The following AGBL1 variants were observed in gnomAD, a reference collection of about 807,000 sequenced individuals.
The protein encoded by AGBL1 is AGBL carboxypeptidase 1, also known as cytosolic carboxypeptidase 4.
AGBL1 carries 130 observed loss-of-function variants against 118.9 expected under a neutral mutation model. The ratio of observed to expected loss-of-function variants is 1.09; its 90% confidence interval spans 0.95 to 1.26. The LOEUF (loss-of-function observed/expected upper bound fraction) is 1.26. AGBL1 is among the 50% of genes most tolerant of loss of function. The probability of loss-of-function intolerance (pLI) is 0.00; values close to 1 mark genes in which losing one functional copy is unlikely to be tolerated. For missense variants in AGBL1, 1,584 were observed against 1,298.1 expected (o/e 1.22, Z -3.38); for synonymous variants, 555 against 478.9 (o/e 1.16, Z -2.08).
At chr15:86,080,046 C>T (rs1849911349) in intron 1 of AGBL1, 23 bp downstream of exon 1, 5 of 1,232,016 alleles carry the variant, frequency 4.1e-6, no homozygotes, top group Non-Finnish European at 4.0e-6. Context: ...AGAGTGGGTG[C>T]AGAACCCGGC....
At chr15:86,125,341 C>T (rs760247322) in intron 1 of AGBL1, among the ~76,000 whole-genome samples, 1 of 152,112 alleles carries the variant, frequency 6.6e-6, no homozygotes, top group Admixed American at 6.5e-5. Flanking sequence ...ACTAGACTTT[C>T]CCTTTCTCTC....
At chr15:86,632,103 A>ATT (rs141249708) in intron 21 of AGBL1, among the ~76,000 whole-genome samples, 1 of 146,824 alleles carries the variant, frequency 6.8e-6, no homozygotes, top group African/African-American at 2.5e-5. Flanking sequence ...TGTCTCCACA[A>ATT]TTTTTTTTTT....
intron 21 of AGBL1, among the ~76,000 whole-genome samples, chr15:86,639,715 G>A (rs1415401475): frequency 6.6e-6 from 1 of 152,172 alleles, no homozygotes; most frequent in Non-Finnish European, 1.5e-5. Flanking sequence ...GAAATGGTCT[G>A]GCAACTGCTG....
chr15:86,128,015 T>TGG (rs1567072055), intron 1 of AGBL1, among the ~76,000 whole-genome samples: 1 of 152,174 alleles, frequency 6.6e-6, no homozygotes, highest in South Asian at 2.1e-4. Flanking sequence ...TATGTTTTTT[T>TGG]GGGGGGTGGT....
intron 18 of AGBL1, among the ~76,000 whole-genome samples, chr15:86,503,958 C>G (rs1213891031): frequency 6.6e-6 from 1 of 151,536 alleles, no homozygotes; most frequent in Non-Finnish European, 1.5e-5. Flanking sequence ...TATTGTTATG[C>G]AAATCTTATG....
intron 3 of AGBL1, 62 bp downstream of exon 3, chr15:86,143,907 T>G: frequency 1.3e-6 from 2 of 1,566,048 alleles, no homozygotes; most frequent in South Asian, 2.4e-5. Flanking sequence ...TTATCATGAG[T>G]GCAATTTGGG....
chr15:86,283,068 C>G (rs1166793699), intron 16 of AGBL1, among the ~76,000 whole-genome samples: 1 of 151,964 alleles, frequency 6.6e-6, no homozygotes, highest in Non-Finnish European at 1.5e-5. Flanking sequence ...TTATAGCATT[C>G]AAATATAGCT....
Position 86,907,384 on chromosome 15 carries a change from T to C in AGBL1, c.*90T>C, listed in dbSNP as rs1201122856. On this transcript the variant is annotated 3_prime_UTR_variant, in exon 23 of 23. Coordinates refer to ENST00000614907, the MANE Select transcript of AGBL1 (RefSeq NM_001386094.1). ...CTTCTTCATCATCAGACACACACAA[T>C]GTATATGTCAGTGCAAAAAGCCAGC... is the stretch of plus-strand genomic sequence containing the variant. The C allele has an allele frequency of 4.6e-5, 7 of 152,164 alleles. No individual in the cohort carries two copies. Among genetic ancestry groups the C allele is most frequent in the Non-Finnish European group, 1.0e-4 (7 of 68,042 alleles). The allele number at this position is 152,164 out of a possible 1,614,324, so 9.4% of individuals were successfully genotyped here.
chr15:86,464,470 T>C (rs1000153788), intron 18 of AGBL1, among the ~76,000 whole-genome samples: 1 of 152,154 alleles, frequency 6.6e-6, no homozygotes, highest in African/African-American at 2.4e-5. Context: ...GAACTTCCAA[T>C]ACTATGTTGA....
chr15:86,331,590 C>A (rs1351420291), intron 17 of AGBL1, among the ~76,000 whole-genome samples: 1 of 152,182 alleles, frequency 6.6e-6, no homozygotes, highest in Non-Finnish European at 1.5e-5. Context: ...CCCTATCAAG[C>A]TAACAGCAGA....
At chr15:86,653,704 A>G (rs946277450) in intron 21 of AGBL1, among the ~76,000 whole-genome samples, 1 of 152,152 alleles carries the variant, frequency 6.6e-6, no homozygotes, top group African/African-American at 2.4e-5. Context: ...ACAAGCCAGC[A>G]TATCAAGTAT....
At chr15:86,711,979 T>A (rs2086567806) in intron 22 of AGBL1, among the ~76,000 whole-genome samples, 1 of 152,142 alleles carries the variant, frequency 6.6e-6, no homozygotes, top group African/African-American at 2.4e-5. Context: ...TGGGTCTTAT[T>A]TCTGCTGTCT....
chr15:86,410,832 ATATATAT>A (rs1596080487), intron 18 of AGBL1, among the ~76,000 whole-genome samples: 1 of 83,188 alleles, frequency 1.2e-5, no homozygotes, highest in African/African-American at 5.1e-5. Flanking sequence ...ATATATATAT[ATATATAT>A]ATAATATACT....
At chr15:86,802,279 A>T (rs1567180740) in intron 22 of AGBL1, among the ~76,000 whole-genome samples, 1 of 149,034 alleles carries the variant, frequency 6.7e-6, no homozygotes, top group East Asian at 2.0e-4. Context: ...TGAGGTTTTC[A>T]TTTTTTTTTT....
intron 1 of AGBL1, among the ~76,000 whole-genome samples, chr15:86,139,217 C>G (rs1216984162): frequency 1.3e-5 from 2 of 152,120 alleles, no homozygotes; most frequent in African/African-American, 4.8e-5. Context: ...AGAGGAAACC[C>G]AAGTCTTTCT....
chr15:86,870,827 TC>T (rs1360354072), intron 22 of AGBL1, among the ~76,000 whole-genome samples: 2 of 152,194 alleles, frequency 1.3e-5, no homozygotes, highest in African/African-American at 4.8e-5. Context: ...TACTATTTCA[TC>T]AAAGATGATA....
At position 86,533,161 on chromosome 15, in the gene AGBL1, A is replaced by G. The variant is rs1285207563; in HGVS notation, c.2685+10222A>G. Among the ~76,000 whole-genome samples, 5 of 66,120 alleles carry G rather than the reference A, an allele frequency of 7.6e-5. 1 individual carries two copies. The highest frequency in any genetic ancestry group is 1.2e-4 in the Non-Finnish European group (5 of 40,750). 43.4% of individuals were successfully genotyped at this position (66,120 alleles called of 152,430 possible). On this transcript the variant is annotated intron_variant, in intron 19 of 22. Coordinates refer to ENST00000614907, the MANE Select transcript of AGBL1 (RefSeq NM_001386094.1). ...CTGCACAGCAAAAGAAACTACCATC[A>G]GAGTGAACAGGCAACCTACAACATG...
At chr15:86,195,099 G>A (rs1048015598) in intron 5 of AGBL1, among the ~76,000 whole-genome samples, 21 of 152,086 alleles carry the variant, frequency 1.4e-4, no homozygotes, top group Non-Finnish European at 2.1e-4. Context: ...TGCATTTATT[G>A]AGAGCTTACT....
At chr15:86,835,148 G>A (rs527414908) in intron 22 of AGBL1, among the ~76,000 whole-genome samples, 1 of 152,180 alleles carries the variant, frequency 6.6e-6, no homozygotes, top group Non-Finnish European at 1.5e-5. Context: ...GGTAGTCCAG[G>A]CTAAGACAGG....
Sources: allele counts gnomAD v4.1 joint callset (sites outside exome capture counted in the v4.1 genomes callset), GRCh38; gene constraint gnomAD v4.1.1; transcripts MANE v1.5; gene names NCBI Gene and HGNC (gene_info 2026-07-23, HGNC 2026-07-21).